OR51E1: variants seen among roughly 807,000 people sequenced by gnomAD.
The protein encoded by OR51E1 is olfactory receptor family 51 subfamily E member 1.
Under a neutral mutation model 11.5 loss-of-function variants are expected in OR51E1, and 9 were observed. The observed-to-expected ratio is 0.78, with a 90% CI of 0.47 to 1.37. The LOEUF is 1.37. Among genes scored for constraint, OR51E1 ranks in the 40% most tolerant of loss-of-function variants. The probability of loss-of-function intolerance (pLI) is 0.00; values close to 1 mark genes in which losing one functional copy is unlikely to be tolerated. For synonymous variants in OR51E1, 168 were observed against 158.3 expected, an observed-to-expected ratio of 1.06 and a Z score of -0.46; for missense variants, 397 against 410.2, an observed-to-expected ratio of 0.97 and a Z score of 0.28.
intron 1 of OR51E1, among the ~76,000 whole-genome samples, chr11:4,650,352 C>T (rs1444507716): frequency 6.6e-6 from 1 of 152,104 alleles, no homozygotes; most frequent in Non-Finnish European, 1.5e-5. Context: ...GAGGGAGAAG[C>T]TCTAAGAAGG....
At position 4,654,748 on chromosome 11, in the gene OR51E1, G is replaced by C. The variant is rs1240471085; in HGVS notation, c.*1265G>C. On this transcript the variant is annotated 3_prime_UTR_variant, in exon 2 of 2. Transcript: ENST00000396952. ...GAGACCAGGAAAGCAATCTGACTTAGGCATGGGAATCAGGCATTTTTGCTT... is the reference window on the plus strand; with the variant it reads ...GAGACCAGGAAAGCAATCTGACTTACGCATGGGAATCAGGCATTTTTGCTT... The C allele has an allele frequency of 4.8e-5, 8 of 167,162 alleles. No homozygotes were observed. Among genetic ancestry groups the C allele is most frequent in the Non-Finnish European group, 1.2e-4 (8 of 68,138 alleles). 10.4% of individuals were successfully genotyped at this position (167,162 alleles called of 1,614,324 possible). A position where few individuals can be genotyped will look rare whatever the true frequency, so the allele number is the denominator to read the frequency against.
chr11:4,645,943 G>T (rs889070935), intron 1 of OR51E1, among the ~76,000 whole-genome samples: 2 of 152,182 alleles, frequency 1.3e-5, no homozygotes, highest in African/African-American at 4.8e-5. Context: ...TACAAGCAAG[G>T]TGTGGGGCAC....
intron 1 of OR51E1, among the ~76,000 whole-genome samples, chr11:4,649,697 A>G (rs2133225692): frequency 6.6e-6 from 1 of 152,340 alleles, no homozygotes; most frequent in South Asian, 2.1e-4. Flanking sequence ...CGTGGCAGTC[A>G]GGATCAGAGA....
At chr11:4,647,202 G>A (rs1438644828) in intron 1 of OR51E1, among the ~76,000 whole-genome samples, 1 of 152,130 alleles carries the variant, frequency 6.6e-6, no homozygotes, top group Non-Finnish European at 1.5e-5. Context: ...CATTTTGTAG[G>A]TGCTCAATAA....
intron 1 of OR51E1, among the ~76,000 whole-genome samples, 179 bp from the exon 2 acceptor site, chr11:4,652,309 A>G (rs1847108214): frequency 6.6e-6 from 1 of 152,176 alleles, no homozygotes; most frequent in South Asian, 2.1e-4. Flanking sequence ...GGACTGGATG[A>G]ATTTGTGTCT....
chr11:4,653,249 C>T lies in OR51E1; in HGVS notation c.723C>T (p.Gly241=). The T allele has an allele frequency of 1.2e-6, 2 of 1,613,992 alleles. No homozygotes were observed. The highest frequency in any genetic ancestry group is 1.7e-6 in the Non-Finnish European group (2 of 1,179,834). Residue 241 remains glycine (G), a synonymous_variant, in exon 2 of 2, where the codon GGC becomes GGT. Coordinates refer to ENST00000396952, the MANE Select transcript of OR51E1 (RefSeq NM_152430.4). ...GTGAAGCCCAGGCCAAGGCATTTGG[C>T]ACTTGCGTCTCTCATGTGTGTGCTG... ...LTREAQAKAF[G]TCVSHVCAVF...
Position 4,652,526 on chromosome 11 carries a change from C to T in OR51E1, c.-1C>T. 1.9e-6 allele frequency: 3 copies of T among 1,605,802 alleles called. No individual in the cohort carries two copies. Among genetic ancestry groups the T allele is most frequent in the Non-Finnish European group, 2.6e-6 (3 of 1,173,540 alleles). Reference sequence around the variant, plus strand: ...GGTGCTGGTCACAGTTCAGCTTCTTCATGATGGTGGATCCCAATGGCAATG... The same window carrying T: ...GGTGCTGGTCACAGTTCAGCTTCTTTATGATGGTGGATCCCAATGGCAATG... On this transcript the variant is annotated 5_prime_UTR_variant, in exon 2 of 2. Transcript: ENST00000396952.
At chr11:4,649,410 A>T (rs909054973) in intron 1 of OR51E1, among the ~76,000 whole-genome samples, 4 of 152,134 alleles carry the variant, frequency 2.6e-5, no homozygotes, top group Admixed American at 2.0e-4. Context: ...GTAAAAAAAG[A>T]CAGAAAGACA....
chr11:4,648,249 C>T (rs550248328), intron 1 of OR51E1, among the ~76,000 whole-genome samples: 2 of 152,138 alleles, frequency 1.3e-5, no homozygotes, highest in Non-Finnish European at 2.9e-5. Context: ...GTATCAGTGC[C>T]CAGTCTTGCT....
intron 1 of OR51E1, among the ~76,000 whole-genome samples, chr11:4,645,745 C>A (rs1397698482): frequency 6.6e-6 from 1 of 152,116 alleles, no homozygotes; most frequent in Non-Finnish European, 1.5e-5. Context: ...GAGCAGAGAC[C>A]TGAAACCTAG....
intron 1 of OR51E1, among the ~76,000 whole-genome samples, chr11:4,646,359 G>A (rs1293451781): frequency 2.0e-5 from 3 of 152,140 alleles, no homozygotes; most frequent in African/African-American, 7.2e-5. Flanking sequence ...CTGGACTCAT[G>A]GGTCATCAGT....
intron 1 of OR51E1, among the ~76,000 whole-genome samples, chr11:4,648,160 T>C (rs781113327): frequency 1.6e-4 from 25 of 152,348 alleles, no homozygotes; most frequent in South Asian, 8.3e-4. Flanking sequence ...GCCCCAGCGA[T>C]AGCTGCCCAT....
intron 1 of OR51E1, among the ~76,000 whole-genome samples, chr11:4,649,642 G>A (rs1418282990): frequency 1.3e-5 from 2 of 152,116 alleles, no homozygotes; most frequent in African/African-American, 4.8e-5. Context: ...GTTTCATCTG[G>A]TTAGATTGTT....
At chr11:4,652,266 C>T (rs1001122142) in intron 1 of OR51E1, among the ~76,000 whole-genome samples, 1 of 152,140 alleles carries the variant, frequency 6.6e-6, no homozygotes, top group African/African-American at 2.4e-5. Context: ...CACTTGCTGT[C>T]AGGATTAACA....
intron 1 of OR51E1, among the ~76,000 whole-genome samples, chr11:4,649,682 A>G (rs186277533): frequency 2.0e-5 from 3 of 152,344 alleles, no homozygotes; most frequent in East Asian, 3.9e-4. Context: ...AGGTTACCCT[A>G]GAGACGTGGC....
chr11:4,646,421 C>T lies in OR51E1; in HGVS notation c.-40+2391C>T, dbSNP rs189941966. Among the ~76,000 whole-genome samples the T allele has an allele frequency of 1.5e-3, 228 of 152,278 alleles. No individual in the cohort carries two copies. The Middle Eastern group carries it at 0.02, about 14-fold the overall frequency. ...AAATAGTGCTTACAAAGCGAAGTCC[C>T]TTCTTAAGGAGACATGGGGAGGGGT... On this transcript the variant is annotated intron_variant, in intron 1 of 1. Transcript: ENST00000396952.
rs114794828 is a variant in OR51E1, at chr11:4,653,575, T to C, written c.*92T>C. 1,627 of 774,154 alleles carry C rather than the reference T, an allele frequency of 2.1e-3. 20 individuals carry two copies. Among genetic ancestry groups the C allele is most frequent in the African/African-American group, 0.017 (959 of 57,324 alleles). The allele number at this position is 774,154 out of a possible 1,614,324, so 48.0% of individuals were successfully genotyped here. A position where few individuals can be genotyped will look rare whatever the true frequency, so the allele number is the denominator to read the frequency against. On this transcript the variant is annotated 3_prime_UTR_variant, in exon 2 of 2. Coordinates refer to ENST00000396952, the MANE Select transcript of OR51E1 (RefSeq NM_152430.4). ...GAAGACAGTATTCAGAAAAAAAATTTCCTTAATAAAAATACAACTCAGATC... is the reference window on the plus strand; with the variant it reads ...GAAGACAGTATTCAGAAAAAAAATTCCCTTAATAAAAATACAACTCAGATC...
At chr11:4,651,742 A>G (rs1847101181) in intron 1 of OR51E1, among the ~76,000 whole-genome samples, 2 of 152,176 alleles carry the variant, frequency 1.3e-5, no homozygotes, top group African/African-American at 4.8e-5. Context: ...CTTTATTTGA[A>G]ATAAACTGAG....
intron 1 of OR51E1, among the ~76,000 whole-genome samples, chr11:4,646,861 G>A (rs1847037052): frequency 6.6e-6 from 1 of 152,194 alleles, no homozygotes; most frequent in South Asian, 2.1e-4. Context: ...AAAGTGTATA[G>A]GCCTTGGTAT....
Sources: allele counts gnomAD v4.1 joint callset (sites outside exome capture counted in the v4.1 genomes callset), GRCh38; gene constraint gnomAD v4.1.1; transcripts MANE v1.5; gene names NCBI Gene and HGNC (gene_info 2026-07-23, HGNC 2026-07-21).